The following GABRG3 variants were observed in gnomAD, a reference collection of about 807,000 sequenced individuals.
The protein encoded by GABRG3 is gamma-aminobutyric acid receptor subunit gamma-3.
A neutral mutation model predicts 48.8 loss-of-function variants in GABRG3; 25 were observed. The ratio of observed to expected loss-of-function variants is 0.51; its 90% CI spans 0.37 to 0.72. The LOEUF (loss-of-function observed/expected upper bound fraction) is 0.72. Among genes scored for constraint, GABRG3 ranks in the 30% least tolerant of loss-of-function variants. The probability of loss-of-function intolerance (pLI) is 0.00; values close to 1 mark genes in which losing one functional copy is unlikely to be tolerated. For missense variants in GABRG3, 394 were observed against 577.9 expected, an observed-to-expected ratio of 0.68 and a Z score of 3.26; for synonymous variants, 227 against 217.6, an observed-to-expected ratio of 1.04 and a Z score of -0.38.
At chr15:27,286,501 A>G (rs1053145048) in intron 3 of GABRG3, among the ~76,000 whole-genome samples, 1 of 152,242 alleles carries the variant, frequency 6.6e-6, no homozygotes, top group African/African-American at 2.4e-5. Flanking sequence ...AAATGTGGAG[A>G]GAAAGCAACA....
intron 5 of GABRG3, among the ~76,000 whole-genome samples, chr15:27,448,711 C>T (rs550806467): frequency 1.3e-5 from 2 of 152,196 alleles, no homozygotes; most frequent in Admixed American, 1.3e-4. Context: ...CCTCAAAGAA[C>T]TTACAAAACT....
At chr15:26,994,504 CA>C (rs1183751118) in intron 2 of GABRG3, among the ~76,000 whole-genome samples, 5 of 151,866 alleles carry the variant, frequency 3.3e-5, no homozygotes, top group Non-Finnish European at 7.4e-5. Context: ...TAAATTTGCC[CA>C]CTTTCTAACT....
chr15:27,127,494 G>C (rs1479969752), intron 3 of GABRG3, among the ~76,000 whole-genome samples: 1 of 152,018 alleles, frequency 6.6e-6, no homozygotes, highest in East Asian at 1.9e-4. Context: ...CTTGGGGAAA[G>C]TGGAAAATCT....
intron 3 of GABRG3, among the ~76,000 whole-genome samples, chr15:27,120,529 A>G (rs1465792561): frequency 6.6e-6 from 1 of 152,110 alleles, no homozygotes; most frequent in South Asian, 2.1e-4. Flanking sequence ...GAAGGTCATG[A>G]TATTTTATCT....
chr15:27,505,597 T>C (rs867828547), intron 6 of GABRG3, among the ~76,000 whole-genome samples: 26 of 152,186 alleles, frequency 1.7e-4, no homozygotes, highest in African/African-American at 5.5e-4. Flanking sequence ...TTGAGTTACA[T>C]TGATTGATTT....
chr15:27,000,681 C>T (rs1021416595), intron 2 of GABRG3, among the ~76,000 whole-genome samples: 21 of 152,128 alleles, frequency 1.4e-4, no homozygotes, highest in African/African-American at 5.1e-4. Context: ...ACAGTGCTTG[C>T]TCCCCCTTTG....
At chr15:27,449,990 C>T (rs139748046) in intron 5 of GABRG3, among the ~76,000 whole-genome samples, 20 of 152,260 alleles carry the variant, frequency 1.3e-4, no homozygotes, top group African/African-American at 3.6e-4. Context: ...ATATATGAAA[C>T]ATGATTTTGT....
chr15:27,168,226 G>T (rs994328497), intron 3 of GABRG3, among the ~76,000 whole-genome samples: 3 of 152,066 alleles, frequency 2.0e-5, no homozygotes, highest in Admixed American at 2.0e-4. Context: ...CTGGAGTTGA[G>T]AATGTGCTCA....
At chr15:27,448,779 C>T (rs1270591116) in intron 5 of GABRG3, among the ~76,000 whole-genome samples, 2 of 152,060 alleles carry the variant, frequency 1.3e-5, no homozygotes, top group South Asian at 2.1e-4. Flanking sequence ...AGTGCCATGC[C>T]TGTACATGTG....
chr15:27,471,582 G>A (rs1281636172), intron 5 of GABRG3, among the ~76,000 whole-genome samples: 1 of 152,204 alleles, frequency 6.6e-6, no homozygotes, highest in Admixed American at 6.5e-5. Context: ...GCAGCTTGGA[G>A]GTTAAAGGCA....
chr15:26,984,231 CCCT>C (rs2140640882), intron 2 of GABRG3, among the ~76,000 whole-genome samples: 1 of 151,046 alleles, frequency 6.6e-6, no homozygotes, highest in Admixed American at 6.6e-5. Flanking sequence ...CTTTTTTTTT[CCCT>C]CTAGGGCGCT....
At chr15:27,034,000 C>T (rs1896133021) in intron 3 of GABRG3, among the ~76,000 whole-genome samples, 1 of 152,146 alleles carries the variant, frequency 6.6e-6, no homozygotes, top group Admixed American at 6.5e-5. Context: ...AGAATCATGC[C>T]AAACCCCAGA....
intron 2 of GABRG3, among the ~76,000 whole-genome samples, chr15:26,986,050 A>G (rs1043407727): frequency 2.0e-5 from 3 of 152,068 alleles, no homozygotes; most frequent in Non-Finnish European, 4.4e-5. Flanking sequence ...CTCTGACTCA[A>G]TGAATCAAAC....
At chr15:27,061,636 A>T (rs1896648017) in intron 3 of GABRG3, among the ~76,000 whole-genome samples, 1 of 152,062 alleles carries the variant, frequency 6.6e-6, no homozygotes, top group East Asian at 1.9e-4. Flanking sequence ...GGTTTCAAAG[A>T]AAATGCTCAA....
chr15:27,027,090 AT>A (rs1366132992), intron 3 of GABRG3: 3 of 335,140 alleles, frequency 9.0e-6, no homozygotes, highest in Non-Finnish European at 1.6e-5. Flanking sequence ...AGGATTCGAG[AT>A]CACTCAGATT....
intron 3 of GABRG3, among the ~76,000 whole-genome samples, chr15:27,243,988 G>T (rs752199341): frequency 2.6e-5 from 4 of 152,182 alleles, no homozygotes; most frequent in Non-Finnish European, 2.9e-5. Flanking sequence ...TAAGTATAGG[G>T]TGTGCAAATA....
At chr15:27,439,477 T>A (rs941804629) in intron 5 of GABRG3, among the ~76,000 whole-genome samples, 1 of 152,126 alleles carries the variant, frequency 6.6e-6, no homozygotes, top group Admixed American at 6.5e-5. Flanking sequence ...TCTGTCCCCC[T>A]ACAGACAAAC....
At chr15:27,141,060 A>G (rs1315441096) in intron 3 of GABRG3, among the ~76,000 whole-genome samples, 1 of 152,122 alleles carries the variant, frequency 6.6e-6, no homozygotes, top group African/African-American at 2.4e-5. Context: ...AAGTGGGTTC[A>G]GATGCCCTGC....
At chr15:27,458,546 A>T (rs1049443678) in intron 5 of GABRG3, among the ~76,000 whole-genome samples, 1 of 152,158 alleles carries the variant, frequency 6.6e-6, no homozygotes, top group Non-Finnish European at 1.5e-5. Context: ...ATTTGAGGAG[A>T]TGCAAGCTCC....
Sources: allele counts gnomAD v4.1 joint callset (sites outside exome capture counted in the v4.1 genomes callset), GRCh38; gene constraint gnomAD v4.1.1; transcripts MANE v1.5; gene names NCBI Gene and HGNC (gene_info 2026-07-23, HGNC 2026-07-21).